Variants in PDIK1L observed in about 807,000 individuals in gnomAD.
PDIK1L encodes PDLIM1 interacting kinase 1 like, also known as serine/threonine-protein kinase PDIK1L.
In PDIK1L, 9 loss-of-function variants were observed where a neutral mutation model predicts 27.1. The observed-to-expected ratio is 0.33, with a 90% CI of 0.20 to 0.58. The LOEUF is 0.58. PDIK1L is among the 20% of genes least tolerant of loss of function. PDIK1L has a pLI of 0.86. For missense variants in PDIK1L, 216 were observed against 413.2 expected, an observed-to-expected ratio of 0.52 and a Z score of 4.14; for synonymous variants, 130 against 141.7, an observed-to-expected ratio of 0.92 and a Z score of 0.59.
At chr1:26,121,353 T>C (rs903813448) in intron 2 of PDIK1L, among the ~76,000 whole-genome samples, 1 of 152,244 alleles carries the variant, frequency 6.6e-6, no homozygotes, top group Non-Finnish European at 1.5e-5. Context: ...TGTTCCTTGA[T>C]CATTTTTCTC....
At position 26,122,099 on chromosome 1, in the gene PDIK1L, A is replaced by T; in HGVS notation, c.548A>T (p.Glu183Val). The T allele has an allele frequency of 1.2e-6, 2 of 1,613,998 alleles. No individual in the cohort carries two copies. The highest frequency in any genetic ancestry group is 2.2e-5 in the South Asian group (2 of 91,068). Residue 183 changes from glutamate to valine, a missense_variant, in exon 3 of 3, where the codon GAA becomes GTA. Coordinates refer to ENST00000374269, the MANE Select transcript of PDIK1L (RefSeq NM_152835.5). The surrounding 1 kb of genome is among the most constrained non-coding windows in gnomAD (Gnocchi z 5.4). ...SQTRLDTSDL[E>V]PTLKVADFGL... ...ACCAGGTTGGATACCAGTGACTTGG[A>T]ACCTACCCTCAAAGTGGCTGATTTT...
At chr1:26,117,017 T>G (rs2087888832) in intron 2 of PDIK1L, among the ~76,000 whole-genome samples, 1 of 96,690 alleles carries the variant, frequency 1.0e-5, no homozygotes, top group African/African-American at 6.4e-5. Context: ...CGCCCAACCT[T>G]TTTTTTTTTT....
chr1:26,118,732 G>A (rs2087922781), intron 2 of PDIK1L, among the ~76,000 whole-genome samples: 1 of 152,120 alleles, frequency 6.6e-6, no homozygotes, highest in Admixed American at 6.6e-5. Context: ...TCGTTTAGTT[G>A]TCCAGACATT....
At chr1:26,121,619 G>A (rs1375236508) in intron 2 of PDIK1L, among the ~76,000 whole-genome samples, 3 of 152,068 alleles carry the variant, frequency 2.0e-5, no homozygotes, top group Non-Finnish European at 4.4e-5. Flanking sequence ...TTTACCCCTT[G>A]GTTTAGAGCT....
intron 2 of PDIK1L, among the ~76,000 whole-genome samples, chr1:26,118,096 T>G (rs138751115): frequency 5.7e-4 from 86 of 152,068 alleles, no homozygotes; most frequent in African/African-American, 1.9e-3. Context: ...TGCTGAACTT[T>G]ACATTGAGTT....
intron 1 of PDIK1L, among the ~76,000 whole-genome samples, chr1:26,113,576 G>GACAT (rs1454924093): frequency 6.6e-6 from 1 of 150,548 alleles, no homozygotes; most frequent in Non-Finnish European, 1.5e-5. Context: ...ATAAGGAGAT[G>GACAT]ACATAAGAGA....
In PDIK1L at chr1:26,124,409, AT is replaced by A. The variant is rs1385646461; in HGVS notation, c.*1834del. 3 of 152,318 alleles carry A rather than the reference AT, an allele frequency of 2.0e-5. No homozygotes were observed. Among genetic ancestry groups the A allele is most frequent in the Admixed American group, 6.5e-5 (1 of 15,302 alleles). The allele number at this position is 152,318 out of a possible 1,614,324, so 9.4% of individuals were successfully genotyped here. A position where few individuals can be genotyped will look rare whatever the true frequency, so the allele number is the denominator to read the frequency against. ...GATAATTGACCCTCTGGATCACCAG[AT>A]TAGTTTAATTTAACAGATATGTCCA... On this transcript the variant is annotated 3_prime_UTR_variant, in exon 3 of 3. Coordinates refer to ENST00000374269, the MANE Select transcript of PDIK1L (RefSeq NM_152835.5).
Position 26,114,403 on chromosome 1 carries a change from C to A in PDIK1L, c.95C>A (p.Ala32Glu). The change falls in exon 2 of 3, where the codon GCA becomes GAA. Residue 32 changes from alanine to glutamate, a missense_variant. Transcript: ENST00000374269. This position sits in a 1 kb window ranked among gnomAD's most constrained non-coding sequence, Gnocchi z 4.8. ...GAAGCAGTCATCAGAAAGACCTCTG[C>A]ACGGGTGGCAGTGAAGAAAATTCGA... The part of the protein sequence containing the change: ...VYEAVIRKTS[A>E]RVAVKKIRCH... 1.2e-6 allele frequency: 2 copies of A among 1,614,060 alleles called. No homozygotes were observed. Among genetic ancestry groups the A allele is most frequent in the South Asian group, 2.2e-5 (2 of 91,056 alleles).
chr1:26,113,795 G>A (rs907713849), intron 1 of PDIK1L, among the ~76,000 whole-genome samples: 1 of 152,120 alleles, frequency 6.6e-6, no homozygotes, highest in East Asian at 1.9e-4. Context: ...GATTTTGCTT[G>A]CTTGCTTGTT....
chr1:26,120,691 T>C (rs1262182670), intron 2 of PDIK1L, among the ~76,000 whole-genome samples: 1 of 152,196 alleles, frequency 6.6e-6, no homozygotes, highest in Non-Finnish European at 1.5e-5. Context: ...CCATGGCTCA[T>C]GCCTATAGTC....
chr1:26,116,777 G>A (rs1479819654), intron 2 of PDIK1L, among the ~76,000 whole-genome samples: 2 of 152,092 alleles, frequency 1.3e-5, no homozygotes, highest in South Asian at 2.1e-4. Flanking sequence ...GCGCAGTGGT[G>A]CAATCTCGGC....
chr1:26,118,837 A>C (rs1251000208), intron 2 of PDIK1L, among the ~76,000 whole-genome samples: 6 of 152,184 alleles, frequency 3.9e-5, no homozygotes, highest in Non-Finnish European at 8.8e-5. Context: ...CTGTAGTATG[A>C]CCTCAGAGTC....
In PDIK1L at chr1:26,119,025, G is replaced by A. The variant is rs371691026; in HGVS notation, c.286-2812G>A. 1.7e-3 allele frequency among the ~76,000 whole-genome samples: 261 copies of A among 152,254 alleles called. 6 individuals are homozygous for A. The South Asian group carries it at 0.052, about 31-fold the overall frequency. ...CAATCTCATGCATGGGAACCTAGTG[G>A]CCAGTCTGTGTACTTGTGATAAATA... On this transcript the variant is annotated intron_variant, in intron 2 of 2. Coordinates refer to ENST00000374269, the MANE Select transcript of PDIK1L (RefSeq NM_152835.5).
intron 2 of PDIK1L, among the ~76,000 whole-genome samples, chr1:26,117,479 A>G (rs2087899366): frequency 6.6e-6 from 1 of 152,230 alleles, no homozygotes; most frequent in Admixed American, 6.5e-5. Context: ...TGAAAAGTGA[A>G]TAGAGGCCAG....
chr1:26,120,950 CAAA>C (rs11316360), intron 2 of PDIK1L, among the ~76,000 whole-genome samples: 15 of 96,278 alleles, frequency 1.6e-4, no homozygotes, highest in Admixed American at 3.3e-4. Context: ...GACTCCGTCT[CAAA>C]AAAAAAAAAA....
chr1:26,115,297 T>C (rs572444821), intron 2 of PDIK1L, among the ~76,000 whole-genome samples: 3 of 152,276 alleles, frequency 2.0e-5, no homozygotes, highest in South Asian at 4.1e-4. Context: ...AGTGGTACAA[T>C]TGGGAGCTGG....
At chr1:26,120,673 G>A (rs1238153892) in intron 2 of PDIK1L, among the ~76,000 whole-genome samples, 2 of 152,200 alleles carry the variant, frequency 1.3e-5, no homozygotes, top group Non-Finnish European at 2.9e-5. Context: ...AATATACGGG[G>A]CCGGGTGCCA....
intron 1 of PDIK1L, among the ~76,000 whole-genome samples, chr1:26,113,727 G>T (rs2087837170): frequency 6.6e-6 from 1 of 152,126 alleles, no homozygotes; most frequent in Non-Finnish European, 1.5e-5. Flanking sequence ...CTGTGAGGGG[G>T]TTTTGTTTTT....
intron 2 of PDIK1L, among the ~76,000 whole-genome samples, chr1:26,120,395 AT>A (rs11301573): frequency 0.25 from 37,945 of 152,086 alleles, 6,287 homozygotes; most frequent in African/African-American, 0.47. Context: ...CCTTTCTTTC[AT>A]TTTTCTGTCT....
Sources: gnomAD v4.1 joint callset for allele counts (sites outside exome capture counted in the v4.1 genomes callset) on GRCh38, gnomAD v4.1.1 for gene constraint, Gnocchi (gnomAD v3.1) non-coding constraint, MANE v1.5 for transcripts, NCBI Gene and HGNC (gene_info 2026-07-23, HGNC 2026-07-21) for gene names.